The following ELP4 variants were observed in gnomAD, a reference collection of about 807,000 sequenced individuals.
The protein encoded by ELP4 is elongator complex protein 4.
A neutral mutation model predicts 48.9 loss-of-function variants in ELP4; 51 were observed. That is an observed-to-expected ratio of 1.04 (90% CI 0.83 to 1.32). The LOEUF is 1.32. ELP4 is among the 40% of genes most tolerant of loss of function. The pLI is 0.00. For missense variants in ELP4, 519 were observed against 514.6 expected, an observed-to-expected ratio of 1.01 and a Z score of -0.08; for synonymous variants, 210 against 189.2, an observed-to-expected ratio of 1.11 and a Z score of -0.90.
At chr11:31,585,363 A>G (rs971934743) in intron 3 of ELP4, among the ~76,000 whole-genome samples, 1 of 152,090 alleles carries the variant, frequency 6.6e-6, no homozygotes, top group African/African-American at 2.4e-5. Context: ...ATACTCACTG[A>G]GGCAAATGAT....
At chr11:31,583,348 T>C (rs2133975086) in intron 3 of ELP4, among the ~76,000 whole-genome samples, 1 of 152,326 alleles carries the variant, frequency 6.6e-6, no homozygotes, top group African/African-American at 2.4e-5. Flanking sequence ...AAAGGATGTT[T>C]ATGTTATAAA....
At chr11:31,736,364 A>G (rs1947316823) in intron 9 of ELP4, among the ~76,000 whole-genome samples, 1 of 152,254 alleles carries the variant, frequency 6.6e-6, no homozygotes, top group Non-Finnish European at 1.5e-5. Flanking sequence ...ACCTAAAACC[A>G]TAAAAACCCT....
At chr11:31,753,536 G>A (rs1947771067) in intron 9 of ELP4, among the ~76,000 whole-genome samples, 1 of 152,200 alleles carries the variant, frequency 6.6e-6, no homozygotes, top group African/African-American at 2.4e-5. Context: ...TCTACTGATG[G>A]TTGTGTAAAT....
At chr11:31,641,647 G>T (rs958753091) in intron 7 of ELP4, among the ~76,000 whole-genome samples, 6 of 151,828 alleles carry the variant, frequency 4.0e-5, no homozygotes, top group African/African-American at 1.2e-4. Context: ...AATTCAAGCA[G>T]GTGAGGACCT....
intron 9 of ELP4, among the ~76,000 whole-genome samples, chr11:31,728,553 C>T (rs910331391): frequency 1.2e-4 from 19 of 152,156 alleles, no homozygotes; most frequent in African/African-American, 3.9e-4. Context: ...GGCTTTCCTG[C>T]CTGTATCTAT....
At chr11:31,655,296 TACC>T (rs1945407781) in intron 9 of ELP4, among the ~76,000 whole-genome samples, 1 of 151,934 alleles carries the variant, frequency 6.6e-6, no homozygotes, top group Admixed American at 6.6e-5. Context: ...CAAAAGTGCA[TACC>T]ACCTTAAGGA....
intron 9 of ELP4, among the ~76,000 whole-genome samples, chr11:31,675,910 TA>T (rs1333790794): frequency 1.3e-5 from 2 of 152,214 alleles, no homozygotes; most frequent in Admixed American, 1.3e-4. Flanking sequence ...CTAAGCCTCC[TA>T]ACTAGATTTC....
intron 1 of ELP4, 66 bp downstream of exon 1, chr11:31,510,073 G>A: frequency 1.7e-5 from 25 of 1,482,826 alleles, no homozygotes; most frequent in Non-Finnish European, 2.3e-5. Flanking sequence ...TGTCGGGGAA[G>A]CCACTTTGAC....
chr11:31,593,706 C>G (rs1957627264), intron 3 of ELP4, among the ~76,000 whole-genome samples: 1 of 152,152 alleles, frequency 6.6e-6, no homozygotes, highest in Admixed American at 6.5e-5. Context: ...TTACACTATA[C>G]TCTCACAAAT....
At chr11:31,780,080 A>G (rs1034756776) in intron 9 of ELP4, 2 of 152,154 alleles carry the variant, frequency 1.3e-5, no homozygotes, top group Admixed American at 1.3e-4. Context: ...TTAAACCATT[A>G]CTCAGTGAAA....
At chr11:31,702,475 C>A (rs1339836989) in intron 9 of ELP4, among the ~76,000 whole-genome samples, 1 of 151,932 alleles carries the variant, frequency 6.6e-6, no homozygotes, top group African/African-American at 2.4e-5. Flanking sequence ...AGTTGCATAA[C>A]AACATACAAC....
intron 3 of ELP4, among the ~76,000 whole-genome samples, chr11:31,546,908 G>T (rs1263639310): frequency 6.6e-6 from 1 of 152,096 alleles, no homozygotes; most frequent in Non-Finnish European, 1.5e-5. Context: ...CAAAATGAAG[G>T]CAGAAATAAA....
In ELP4 at chr11:31,603,922, C is replaced by G. The variant is rs73462939; in HGVS notation, c.653+15C>G. On this transcript the variant is annotated intron_variant, in intron 5 of 9. Coordinates refer to ENST00000640961, the MANE Select transcript of ELP4 (RefSeq NM_019040.5). Reference sequence around the variant, plus strand: ...GTAGAACCCTGGTAAGTTAATGACCCATTTAATAACAAAATCTGATTTCAA... The same window carrying G: ...GTAGAACCCTGGTAAGTTAATGACCGATTTAATAACAAAATCTGATTTCAA... 1 of 1,597,002 alleles carries G rather than the reference C, an allele frequency of 6.3e-7. No individual in the cohort carries two copies. The highest frequency in any genetic ancestry group is 1.3e-5 in the African/African-American group (1 of 74,334).
chr11:31,614,794 A>T (rs1958044784), intron 5 of ELP4, among the ~76,000 whole-genome samples: 1 of 152,206 alleles, frequency 6.6e-6, no homozygotes, highest in South Asian at 2.1e-4. Flanking sequence ...AATTGGAAAC[A>T]TTCTACCAAA....
At chr11:31,637,388 A>C (rs1322299760) in intron 7 of ELP4, 1 of 151,942 alleles carries the variant, frequency 6.6e-6, no homozygotes, top group Non-Finnish European at 1.5e-5. Flanking sequence ...AGAAGAAAAA[A>C]AGAAAAGGTT....
At chr11:31,515,001 A>ATGTGTG (rs753678395) in intron 1 of ELP4, among the ~76,000 whole-genome samples, 166 of 131,968 alleles carry the variant, frequency 1.3e-3, no homozygotes, top group African/African-American at 3.3e-3. Flanking sequence ...TGCTGTATGC[A>ATGTGTG]TGTGTGTGTG....
intron 9 of ELP4, among the ~76,000 whole-genome samples, chr11:31,762,294 C>G (rs1466956281): frequency 6.6e-6 from 1 of 152,076 alleles, no homozygotes; most frequent in Non-Finnish European, 1.5e-5. Context: ...ATAACTTTTG[C>G]CTACCTTCTT....
intron 9 of ELP4, among the ~76,000 whole-genome samples, chr11:31,724,126 G>A (rs770118693): frequency 2.6e-5 from 4 of 152,118 alleles, no homozygotes; most frequent in Non-Finnish European, 5.9e-5. Context: ...ACAGAACTGG[G>A]TTTCCCATCA....
At chr11:31,633,046 A>G (rs992648190) in intron 7 of ELP4, 5 of 152,042 alleles carry the variant, frequency 3.3e-5, no homozygotes, top group Admixed American at 1.3e-4. Context: ...ACTTTTCTTT[A>G]TAGGCTTTAT....
Sources: gnomAD v4.1 joint callset for allele counts (sites outside exome capture counted in the v4.1 genomes callset) on GRCh38, gnomAD v4.1.1 for gene constraint, MANE v1.5 for transcripts, NCBI Gene and HGNC (gene_info 2026-07-23, HGNC 2026-07-21) for gene names.